The following PAIP1 variants were observed in gnomAD, a reference collection of about 807,000 sequenced individuals.
The protein encoded by PAIP1 is polyadenylate-binding protein-interacting protein 1.
Under a neutral mutation model 61.3 loss-of-function variants are expected in PAIP1, and 16 were observed. The ratio of observed to expected loss-of-function variants is 0.26; its 90% CI spans 0.18 to 0.40. PAIP1 has a LOEUF of 0.40. Among genes scored for constraint, PAIP1 ranks in the 10% least tolerant of loss-of-function variants. The probability of loss-of-function intolerance (pLI) is 1.00; values close to 1 mark genes in which losing one functional copy is unlikely to be tolerated. For missense variants in PAIP1, 416 were observed against 600.9 expected (o/e 0.69, Z 3.22); for synonymous variants, 187 against 226.2 (o/e 0.83, Z 1.56).
In PAIP1 at chr5:43,544,146, T is replaced by TTA. The variant is rs1385340411; in HGVS notation, c.622-1031_622-1030insTA. ...TGACAAAACAAAGCCCCCATCTTTT[T>TTA]AAAAAAAAAAAAAAAAAAAAAAAAA... On this transcript the variant is annotated intron_variant, in intron 3 of 10. Transcript: ENST00000306846. Among the ~76,000 whole-genome samples the TTA allele has an allele frequency of 6.6e-4, 48 of 72,736 alleles. 2 individuals are homozygous for TTA. Among genetic ancestry groups the TTA allele is most frequent in the South Asian group, 4.3e-3 (6 of 1,380 alleles). The allele number at this position is 72,736 out of a possible 152,430, so 47.7% of individuals were successfully genotyped here.
chr5:43,540,741 T>A (rs1747365476), intron 4 of PAIP1, among the ~76,000 whole-genome samples: 1 of 152,252 alleles, frequency 6.6e-6, no homozygotes, highest in African/African-American at 2.4e-5. Flanking sequence ...ATTACAGTAC[T>A]ACAGAAGCAC....
At position 43,534,886 on chromosome 5, in the gene PAIP1, T is replaced by C. The variant is rs759725156; in HGVS notation, c.1164A>G (p.Glu388=). 52 of 1,594,036 alleles carry C rather than the reference T, an allele frequency of 3.3e-5. No homozygotes were observed. Among genetic ancestry groups the C allele is most frequent in the Non-Finnish European group, 4.2e-5 (49 of 1,162,448 alleles). Residue 388 remains glutamate, a synonymous_variant, in exon 8 of 11, where the codon GAA becomes GAG. Transcript: ENST00000306846. ...GRVHATSTYR[E]ATPENDPNYF... Reference sequence around the variant, plus strand: ...AGTTAGGATCATTTTCTGGTGTTGCTTCTCTATATGTTGAAGTTGCATGGA... The same window carrying C: ...AGTTAGGATCATTTTCTGGTGTTGCCTCTCTATATGTTGAAGTTGCATGGA...
At chr5:43,533,622 G>A (rs1455781946) in intron 9 of PAIP1, 116 bp downstream of exon 9, 5 of 747,120 alleles carry the variant, frequency 6.7e-6, no homozygotes, top group Non-Finnish European at 9.8e-6. Context: ...TGGTATTTTA[G>A]AATGATGTGA....
intron 9 of PAIP1, among the ~76,000 whole-genome samples, chr5:43,530,152 T>C (rs969357263): frequency 3.9e-5 from 6 of 152,224 alleles, no homozygotes; most frequent in Admixed American, 1.3e-4. Flanking sequence ...AGTCCTTCCA[T>C]TGGAAAGATA....
At chr5:43,544,646 A>C (rs1440314137) in intron 3 of PAIP1, among the ~76,000 whole-genome samples, 1 of 152,182 alleles carries the variant, frequency 6.6e-6, no homozygotes, top group East Asian at 1.9e-4. Context: ...CAAAAATCTA[A>C]AATCCTCCAA....
rs77256974 is a variant in PAIP1 at position 43,547,956 on chromosome 5, G to T, written c.436-43C>A. ...AAAAACAATTTTAATCTATGCAACT[G>T]GCTAAAACACACAAGGTGGTATGTC... On this transcript the variant is annotated intron_variant, in intron 2 of 10. Transcript: ENST00000306846. 10,283 of 1,298,366 alleles carry T rather than the reference G, an allele frequency of 7.9e-3. 43 individuals carry two copies. Among genetic ancestry groups the T allele is most frequent in the Non-Finnish European group, 9.3e-3 (8,469 of 913,838 alleles). 80.4% of individuals were successfully genotyped at this position (1,298,366 alleles called of 1,614,324 possible).
At chr5:43,531,060 C>T (rs750263575) in intron 9 of PAIP1, among the ~76,000 whole-genome samples, 4 of 151,968 alleles carry the variant, frequency 2.6e-5, no homozygotes, top group South Asian at 2.1e-4. Flanking sequence ...ATCTTCCCTG[C>T]GAGATAGCAG....
At chr5:43,549,319 T>C (rs750584720) in intron 2 of PAIP1, among the ~76,000 whole-genome samples, 24 of 152,142 alleles carry the variant, frequency 1.6e-4, no homozygotes, top group Non-Finnish European at 3.2e-4. Flanking sequence ...TTTGGCTGTG[T>C]CCCCACCTAA....
chr5:43,549,142 T>TG (rs1747759268), intron 2 of PAIP1, among the ~76,000 whole-genome samples: 1 of 152,206 alleles, frequency 6.6e-6, no homozygotes. Context: ...GGTTTCACCA[T>TG]GTTGGCCAGG....
Position 43,555,989 on chromosome 5 carries a change from C to G in PAIP1, c.276G>C (p.Arg92Ser). ...GTGAACTAGGTGGAGCTCTCAGGGG[C>G]CTCGTTTGCTCTGCAAAAGAAAAAA... Reference protein sequence around the residue: ...SRPGALPEQTRPLRAPPSSQD... With the variant: ...SRPGALPEQTSPLRAPPSSQD... The change falls in exon 2 of 11, where the codon AGG becomes AGC. Residue 92 changes from arginine (R) to serine (S), a missense_variant. By Grantham distance (110) the Arg-to-Ser change is moderately radical (BLOSUM62 -1). Transcript: ENST00000306846. 6.2e-7 allele frequency: 1 copy of G among 1,611,516 alleles called. No individual in the cohort carries two copies. The highest frequency in any genetic ancestry group is 8.5e-7 in the Non-Finnish European group (1 of 1,179,258).
Position 43,556,742 on chromosome 5 carries a change from C to A in PAIP1, c.105G>T (p.Ala35=). The A allele has an allele frequency of 2.1e-6, 3 of 1,407,578 alleles. No individual in the cohort carries two copies. The highest frequency in any genetic ancestry group is 1.5e-5 in the South Asian group (1 of 66,170). The allele number at this position is 1,407,578 out of a possible 1,614,324, so 87.2% of individuals were successfully genotyped here. Residue 35 remains alanine (A), a synonymous_variant, in exon 1 of 11, where the codon GCG becomes GCT. Coordinates refer to ENST00000306846, the MANE Select transcript of PAIP1 (RefSeq NM_006451.5). ...GPEGGGFPNG[A]GPAERARHQP... ...GGTGCCGCGCCCGCTCAGCAGGCCC[C>A]GCTCCGTTCGGGAAACCGCCGCCCT...
intron 3 of PAIP1, among the ~76,000 whole-genome samples, chr5:43,544,146 T>TTAA (rs1385340411): frequency 9.6e-5 from 7 of 72,734 alleles, no homozygotes; most frequent in Non-Finnish European, 1.8e-4. Flanking sequence ...CCCATCTTTT[T>TTAA]AAAAAAAAAA....
At chr5:43,541,948 GGGC>G (rs1747431385) in intron 4 of PAIP1, among the ~76,000 whole-genome samples, 1 of 151,778 alleles carries the variant, frequency 6.6e-6, no homozygotes, top group East Asian at 1.9e-4. Context: ...AGGCTGAGGT[GGGC>G]GGATCACTTG....
upstream of PAIP1, chr5:43,557,162 C>A: frequency 3.7e-6 from 1 of 269,578 alleles, no homozygotes; most frequent in Non-Finnish European, 6.7e-6. Flanking sequence ...CCCGGAGGCC[C>A]GGGACGCGCC....
At chr5:43,538,726 TTC>T (rs1450951478) in intron 5 of PAIP1, among the ~76,000 whole-genome samples, 196 bp downstream of exon 5, 5 of 152,212 alleles carry the variant, frequency 3.3e-5, no homozygotes, top group Non-Finnish European at 4.4e-5. Context: ...TTTCCTAACA[TTC>T]TGTCCATGAG....
intron 4 of PAIP1, among the ~76,000 whole-genome samples, chr5:43,540,041 A>C (rs539158766): frequency 1.2e-3 from 185 of 152,332 alleles, no homozygotes; most frequent in African/African-American, 4.4e-3. Flanking sequence ...CTTTGTAAAC[A>C]ATTTTTAACA....
intron 2 of PAIP1, among the ~76,000 whole-genome samples, chr5:43,548,979 C>T (rs762847198): frequency 4.6e-5 from 7 of 152,062 alleles, no homozygotes; most frequent in East Asian, 1.9e-4. Flanking sequence ...CTTGTTCTGT[C>T]GCCCAGGCTG....
chr5:43,544,729 G>A (rs1182016523), intron 3 of PAIP1, among the ~76,000 whole-genome samples: 1 of 152,146 alleles, frequency 6.6e-6, no homozygotes, highest in Non-Finnish European at 1.5e-5. Flanking sequence ...TGACAGGTCA[G>A]TCAAAACACA....
At chr5:43,531,173 T>C (rs1199101930) in intron 9 of PAIP1, among the ~76,000 whole-genome samples, 1 of 152,050 alleles carries the variant, frequency 6.6e-6, no homozygotes, top group Non-Finnish European at 1.5e-5. Context: ...CTCAAATTCC[T>C]ACTACCCACA....
Sources: allele counts gnomAD v4.1 joint callset (sites outside exome capture counted in the v4.1 genomes callset), GRCh38; gene constraint gnomAD v4.1.1; transcripts MANE v1.5; gene names NCBI Gene and HGNC (gene_info 2026-07-23, HGNC 2026-07-21).